The following CYP7B1 variants were observed in gnomAD, a reference collection of about 807,000 sequenced individuals.
CYP7B1 encodes cytochrome P450 7B1.
Under a neutral mutation model 42.7 loss-of-function variants are expected in CYP7B1, and 29 were observed. The observed-to-expected ratio is 0.68, with a 90% CI of 0.51 to 0.93. The LOEUF is 0.93. Among genes scored for constraint, CYP7B1 ranks in the 40% least tolerant of loss-of-function variants. CYP7B1 has a pLI of 0.00. For synonymous variants in CYP7B1, 235 were observed against 218.2 expected (o/e 1.08, Z -0.68); for missense variants, 655 against 600.5 (o/e 1.09, Z -0.95).
In CYP7B1 at chr8:64,600,836, G is replaced by A. The variant is rs554936827; in HGVS notation, c.1233+3846C>T. Among the ~76,000 whole-genome samples the A allele has an allele frequency of 3.8e-4, 58 of 152,260 alleles. No homozygotes were observed. The Middle Eastern group carries it at 0.017, about 45-fold the overall frequency. ...TATGAAGTGTCAATTTGTTGGTATGGCAGAAAACTTTTCTCAATAGGAAGC... is the reference window on the plus strand; with the variant it reads ...TATGAAGTGTCAATTTGTTGGTATGACAGAAAACTTTTCTCAATAGGAAGC... On this transcript the variant is annotated intron_variant, in intron 5 of 5. Coordinates refer to ENST00000310193, the MANE Select transcript of CYP7B1 (RefSeq NM_004820.5).
chr8:64,674,086 G>A (rs1806407169), intron 1 of CYP7B1, among the ~76,000 whole-genome samples: 1 of 152,044 alleles, frequency 6.6e-6, no homozygotes, highest in Non-Finnish European at 1.5e-5. Context: ...GAGCCAAGAA[G>A]TGAATGATCG....
intron 1 of CYP7B1, among the ~76,000 whole-genome samples, chr8:64,726,058 C>T (rs764982884): frequency 7.2e-5 from 11 of 152,208 alleles, no homozygotes; most frequent in Non-Finnish European, 1.6e-4. Flanking sequence ...TTTAATTAAA[C>T]TGGCCCACTG....
At chr8:64,676,735 A>C (rs1211857280) in intron 1 of CYP7B1, among the ~76,000 whole-genome samples, 2 of 152,152 alleles carry the variant, frequency 1.3e-5, no homozygotes, top group African/African-American at 4.8e-5. Flanking sequence ...TTACACTCTT[A>C]ATTCAGTATT....
At chr8:64,708,729 T>C (rs547440986) in intron 1 of CYP7B1, among the ~76,000 whole-genome samples, 24 of 152,322 alleles carry the variant, frequency 1.6e-4, no homozygotes, top group Non-Finnish European at 2.9e-4. Flanking sequence ...CTTGAGTGTA[T>C]ATAATACACG....
chr8:64,603,617 T>C (rs1805233436), intron 5 of CYP7B1, among the ~76,000 whole-genome samples: 1 of 152,250 alleles, frequency 6.6e-6, no homozygotes. Context: ...AAGCCTGTTG[T>C]TTGCAGAATG....
intron 5 of CYP7B1, among the ~76,000 whole-genome samples, chr8:64,602,769 T>C (rs866016657): frequency 2.2e-4 from 33 of 152,326 alleles, no homozygotes; most frequent in Middle Eastern, 6.8e-3. Context: ...TGGCTTGGGA[T>C]GGACATCTCT....
At chr8:64,678,890 T>A in intron 1 of CYP7B1, among the ~76,000 whole-genome samples, 1 of 151,704 alleles carries the variant, frequency 6.6e-6, no homozygotes, top group Admixed American at 6.6e-5. Flanking sequence ...GCTGTGTGTG[T>A]GTGTGTGTGT....
chr8:64,641,793 C>T (rs1017346887), intron 1 of CYP7B1, among the ~76,000 whole-genome samples: 3 of 152,104 alleles, frequency 2.0e-5, no homozygotes, highest in African/African-American at 4.8e-5. Flanking sequence ...CCAACAGAAG[C>T]TGTATGAGCC....
rs1230705628 is a variant in CYP7B1 at position 64,590,971 on chromosome 8, T to A, written c.*5671A>T. On this transcript the variant is annotated 3_prime_UTR_variant, in exon 6 of 6. Transcript: ENST00000310193. Reference sequence around the variant, plus strand: ...TTAGGACAATTTGATTCATTGTAAATCCACATATATGTCATTTTAAAATCA... The same window carrying A: ...TTAGGACAATTTGATTCATTGTAAAACCACATATATGTCATTTTAAAATCA... 6.6e-6 allele frequency among the ~76,000 whole-genome samples: 1 copy of A among 152,138 alleles called. No individual in the cohort carries two copies. The highest frequency in any genetic ancestry group is 6.5e-5 in the Admixed American group (1 of 15,284).
intron 1 of CYP7B1, among the ~76,000 whole-genome samples, chr8:64,756,514 G>A (rs1187802458): frequency 6.6e-6 from 1 of 152,200 alleles, no homozygotes; most frequent in Non-Finnish European, 1.5e-5. Context: ...TAGAGGAAAG[G>A]AACCAGAATG....
At chr8:64,776,556 G>A (rs560764225) in intron 1 of CYP7B1, among the ~76,000 whole-genome samples, 55 of 152,068 alleles carry the variant, frequency 3.6e-4, no homozygotes, top group Non-Finnish European at 6.3e-4. Flanking sequence ...CAATTCAATC[G>A]TGTTCCTTTT....
chr8:64,663,920 C>T (rs1344579575), intron 1 of CYP7B1, among the ~76,000 whole-genome samples: 2 of 152,182 alleles, frequency 1.3e-5, no homozygotes, highest in Admixed American at 6.5e-5. Context: ...TACCACAATG[C>T]TACAAGATAT....
At chr8:64,797,843 T>C (rs948629871) in intron 1 of CYP7B1, among the ~76,000 whole-genome samples, 2 of 152,244 alleles carry the variant, frequency 1.3e-5, no homozygotes, top group Non-Finnish European at 2.9e-5. Context: ...ACTTCCACAA[T>C]TCAAATTAAA....
At chr8:64,781,752 T>C (rs1046980496) in intron 1 of CYP7B1, among the ~76,000 whole-genome samples, 1 of 152,158 alleles carries the variant, frequency 6.6e-6, no homozygotes, top group Non-Finnish European at 1.5e-5. Flanking sequence ...CCCTTTGCCA[T>C]GTAACCGAAC....
At chr8:64,787,305 T>C (rs1804543962) in intron 1 of CYP7B1, among the ~76,000 whole-genome samples, 1 of 152,238 alleles carries the variant, frequency 6.6e-6, no homozygotes, top group African/African-American at 2.4e-5. Context: ...TGCTTCCTCT[T>C]GAACACATTG....
intron 1 of CYP7B1, among the ~76,000 whole-genome samples, chr8:64,761,016 C>T (rs997953573): frequency 3.9e-5 from 6 of 152,018 alleles, no homozygotes; most frequent in Non-Finnish European, 7.4e-5. Context: ...TTTAAAAAGA[C>T]GCAAATGTTG....
intron 1 of CYP7B1, among the ~76,000 whole-genome samples, chr8:64,692,430 G>C (rs1197933120): frequency 6.6e-6 from 1 of 152,240 alleles, no homozygotes; most frequent in Non-Finnish European, 1.5e-5. Flanking sequence ...CCCGGTCTGA[G>C]AGTGCTTCCC....
At chr8:64,674,917 A>G (rs796489353) in intron 1 of CYP7B1, among the ~76,000 whole-genome samples, 3 of 152,218 alleles carry the variant, frequency 2.0e-5, no homozygotes, top group Admixed American at 6.5e-5. Context: ...TTATTGCACA[A>G]TGATCACAAT....
chr8:64,618,335 T>C (rs1805476436), intron 2 of CYP7B1, among the ~76,000 whole-genome samples: 1 of 152,120 alleles, frequency 6.6e-6, no homozygotes, highest in African/African-American at 2.4e-5. Context: ...TTTAAATTAT[T>C]CCCTAATATT....
Sources: gnomAD v4.1 joint callset for allele counts (sites outside exome capture counted in the v4.1 genomes callset) on GRCh38, gnomAD v4.1.1 for gene constraint, MANE v1.5 for transcripts, NCBI Gene and HGNC (gene_info 2026-07-23, HGNC 2026-07-21) for gene names.